NSMCE1: variants seen among roughly 807,000 people sequenced by gnomAD.
The protein encoded by NSMCE1 is non-structural maintenance of chromosomes element 1 homolog.
NSMCE1 carries 18 observed loss-of-function variants against 29.6 expected under a neutral mutation model. That is an observed-to-expected ratio of 0.61 (90% confidence interval 0.42 to 0.90). The LOEUF (loss-of-function observed/expected upper bound fraction) is 0.90, where lower values mean the gene tolerates loss of function less well. NSMCE1 is among the 40% of genes least tolerant of loss of function. The pLI is 0.00. For missense variants in NSMCE1, 314 were observed against 343.6 expected (o/e 0.91, Z 0.68); for synonymous variants, 124 against 133.4 (o/e 0.93, Z 0.49).
chr16:27,249,014 G>A (rs1038224705), intron 2 of NSMCE1, among the ~76,000 whole-genome samples: 1 of 151,970 alleles, frequency 6.6e-6, no homozygotes, highest in Non-Finnish European at 1.5e-5. Context: ...TTTTTTTGTA[G>A]AGACGGAGTT....
chr16:27,239,405 G>C (rs546110680), intron 2 of NSMCE1, among the ~76,000 whole-genome samples: 1 of 152,212 alleles, frequency 6.6e-6, no homozygotes, highest in Non-Finnish European at 1.5e-5. Flanking sequence ...GCATGTCTGA[G>C]GATCCTTTTG....
In NSMCE1 at chr16:27,234,256, C is replaced by T. The variant is rs1462953143; in HGVS notation, c.268G>A (p.Ala90Thr). The T allele has an allele frequency of 1.2e-6, 2 of 1,610,900 alleles. No homozygotes were observed. Among genetic ancestry groups the T allele is most frequent in the African/African-American group, 2.7e-5 (2 of 74,862 alleles). ...GCCATTTTGGAAATTGAAGTTGTAG[C>T]AAGATTCACCTAAGAAATAAGTCAG... ...GRPIYALVNL[A>T]TTSISKMATD... Residue 90 changes from alanine to threonine, a missense_variant, in exon 4 of 8, where the codon GCT becomes ACT. Physicochemically the swap from Ala to Thr is moderately conservative, Grantham distance 58 (BLOSUM62 0). Coordinates refer to ENST00000361439, the MANE Select transcript of NSMCE1 (RefSeq NM_145080.4).
At position 27,232,993 on chromosome 16, in the gene NSMCE1, G is replaced by C. The variant is rs764852354; in HGVS notation, c.483+8C>G. 3.8e-5 allele frequency: 62 copies of C among 1,612,788 alleles called. No homozygotes were observed. Among genetic ancestry groups the C allele is most frequent in the Non-Finnish European group, 5.0e-5 (59 of 1,179,634 alleles). On this transcript the variant is annotated splice_region_variant and intron_variant, in intron 5 of 7. Coordinates refer to ENST00000361439, the MANE Select transcript of NSMCE1 (RefSeq NM_145080.4). This position sits in a 1 kb window ranked among gnomAD's most constrained non-coding sequence, Gnocchi z 4.5. ...GTGAACCAGGCTGGAAAAACCATGA[G>C]ACAGTACCTCAATCAGCCACTTGTT...
rs2083673182 is a variant in NSMCE1 at position 27,225,120 on chromosome 16, C to G, written c.*37G>C. ...CCAAGAAGGGCTGTGGCGATCAGGCCACTCAAGGCAGCCAGCCCCTCAGCA... is the reference window on the plus strand; with the variant it reads ...CCAAGAAGGGCTGTGGCGATCAGGCGACTCAAGGCAGCCAGCCCCTCAGCA... On this transcript the variant is annotated 3_prime_UTR_variant, in exon 8 of 8. Coordinates refer to ENST00000361439, the MANE Select transcript of NSMCE1 (RefSeq NM_145080.4). 1 of 1,279,792 alleles carries G rather than the reference C, an allele frequency of 7.8e-7. No homozygotes were observed. Among genetic ancestry groups the G allele is most frequent in the Non-Finnish European group, 1.1e-6 (1 of 889,490 alleles). The allele number at this position is 1,279,792 out of a possible 1,614,324, so 79.3% of individuals were successfully genotyped here.
rs532807889 is a variant in NSMCE1 at position 27,265,734 on chromosome 16, C to T, written c.-12+2972G>A. Reference sequence around the variant, plus strand: ...CAAAGTAGAGCTCCTCACATCAACACGCATACTTCTCAGAAAGATAATGTT... The same window carrying T: ...CAAAGTAGAGCTCCTCACATCAACATGCATACTTCTCAGAAAGATAATGTT... On this transcript the variant is annotated intron_variant, in intron 1 of 7. Transcript: ENST00000361439. Among the ~76,000 whole-genome samples the T allele has an allele frequency of 3.7e-4, 56 of 152,162 alleles. 1 individual carries two copies. Among genetic ancestry groups the T allele is most frequent in the Non-Finnish European group, 4.1e-4 (28 of 68,032 alleles).
At chr16:27,233,465 G>C (rs954966641) in intron 4 of NSMCE1, among the ~76,000 whole-genome samples, 6 of 152,216 alleles carry the variant, frequency 3.9e-5, no homozygotes, top group African/African-American at 1.4e-4. Context: ...GGAACCGCTG[G>C]GGAAGACAGG....
In NSMCE1 at chr16:27,235,457, GCTT is replaced by G. The variant is rs544599154; in HGVS notation, c.137-161_137-159del. On this transcript the variant is annotated intron_variant, in intron 2 of 7. Coordinates refer to ENST00000361439, the MANE Select transcript of NSMCE1 (RefSeq NM_145080.4). Reference sequence around the variant, plus strand: ...CTTGGGTGAACGCCAATGCCACGTGGCTTCTTTCTTCCTGGAGTACTTGGAAGA... The same window carrying G: ...CTTGGGTGAACGCCAATGCCACGTGGCTTTCTTCCTGGAGTACTTGGAAGA... Among the ~76,000 whole-genome samples, 422 of 152,348 alleles carry G rather than the reference GCTT, an allele frequency of 2.8e-3. 2 individuals are homozygous for G. Among genetic ancestry groups the G allele is most frequent in the Middle Eastern group, 6.8e-3 (2 of 294 alleles).
intron 1 of NSMCE1, among the ~76,000 whole-genome samples, chr16:27,264,121 T>C (rs2084193114): frequency 6.6e-6 from 1 of 152,156 alleles, no homozygotes; most frequent in Non-Finnish European, 1.5e-5. Flanking sequence ...CCCAGCACTT[T>C]GGGAGGCTGA....
At chr16:27,225,878 TG>T in intron 6 of NSMCE1, 32 bp from the exon 7 acceptor site, 1 of 1,612,180 alleles carries the variant, frequency 6.2e-7, no homozygotes, top group Non-Finnish European at 8.5e-7. Context: ...ACGGCGGAGC[TG>T]GTGCACACCT....
At chr16:27,244,574 G>A (rs1228919311) in intron 2 of NSMCE1, among the ~76,000 whole-genome samples, 1 of 151,816 alleles carries the variant, frequency 6.6e-6, no homozygotes. Flanking sequence ...CACTCATGCT[G>A]CCTTCCCTTT....
intron 6 of NSMCE1, 107 bp from the exon 7 acceptor site, chr16:27,225,953 C>T: frequency 7.6e-7 from 1 of 1,310,542 alleles, no homozygotes; most frequent in South Asian, 1.3e-5. Flanking sequence ...ATCGTGTTAT[C>T]TTCTGGGCCC....
intron 1 of NSMCE1, chr16:27,268,283 G>C (rs933113745): frequency 3.9e-5 from 6 of 152,186 alleles, no homozygotes; most frequent in African/African-American, 1.4e-4. Flanking sequence ...GGAGCACGGA[G>C]GGCGGCGGGA....
Position 27,236,929 on chromosome 16 carries a change from G to A in NSMCE1, c.137-1630C>T, listed in dbSNP as rs566991377. Among the ~76,000 whole-genome samples the A allele has an allele frequency of 2.8e-4, 42 of 151,642 alleles. 1 individual carries two copies. The South Asian group carries it at 8.5e-3, about 31-fold the overall frequency. ...AGACAGAGGCATTTCTAAGCTACCC[G>A]TACAACTCAAGATTCATAAAGTTAA... On this transcript the variant is annotated intron_variant, in intron 2 of 7. Transcript: ENST00000361439.
Position 27,253,457 on chromosome 16 carries a change from G to A in NSMCE1, c.136+3978C>T, listed in dbSNP as rs557284756. 7.2e-5 allele frequency among the ~76,000 whole-genome samples: 11 copies of A among 152,272 alleles called. No homozygotes were observed. In the South Asian group the frequency reaches 2.1e-3, roughly 29 times the overall value. The stretch of plus-strand genomic sequence containing the variant: ...AAGAAACCCTCATTGCCCATCTCTC[G>A]AAAGATCACTGGCCTTGACTGACGA... On this transcript the variant is annotated intron_variant, in intron 2 of 7. Coordinates refer to ENST00000361439, the MANE Select transcript of NSMCE1 (RefSeq NM_145080.4).
intron 2 of NSMCE1, among the ~76,000 whole-genome samples, chr16:27,251,553 T>C (rs1375262732): frequency 6.6e-6 from 1 of 152,178 alleles, no homozygotes; most frequent in Non-Finnish European, 1.5e-5. Flanking sequence ...TCTACGCTCA[T>C]GAGGAGTCTT....
At chr16:27,225,442 C>T (rs1045323540) in intron 7 of NSMCE1, among the ~76,000 whole-genome samples, 7 of 152,256 alleles carry the variant, frequency 4.6e-5, no homozygotes, top group African/African-American at 1.7e-4. Context: ...GTGGACATAG[C>T]TTTCACGTCC....
rs562102702 is a variant in NSMCE1 at position 27,249,027 on chromosome 16, G to T, written c.136+8408C>A. Among the ~76,000 whole-genome samples, 11 of 151,958 alleles carry T rather than the reference G, an allele frequency of 7.2e-5. No individual in the cohort carries two copies. In the South Asian group the frequency reaches 2.3e-3, roughly 32 times the overall value. On this transcript the variant is annotated intron_variant, in intron 2 of 7. Coordinates refer to ENST00000361439, the MANE Select transcript of NSMCE1 (RefSeq NM_145080.4). Reference sequence around the variant, plus strand: ...TATTTTTTTGTAGAGACGGAGTTTTGTCATGTTGCCCAGGCTGGCCTCAAA... The same window carrying T: ...TATTTTTTTGTAGAGACGGAGTTTTTTCATGTTGCCCAGGCTGGCCTCAAA...
At chr16:27,241,442 G>T in intron 2 of NSMCE1, 1 of 161,346 alleles carries the variant, frequency 6.2e-6, no homozygotes, top group Non-Finnish European at 1.4e-5. Context: ...TGGATGAGAC[G>T]GGGGTGCAGG....
chr16:27,241,533 TG>T, intron 2 of NSMCE1: 1 of 193,106 alleles, frequency 5.2e-6, no homozygotes, highest in South Asian at 8.2e-5. Flanking sequence ...TGGGGAGGTT[TG>T]TGAGGGGCCA....
Sources: allele counts gnomAD v4.1 joint callset (sites outside exome capture counted in the v4.1 genomes callset), GRCh38; gene constraint gnomAD v4.1.1; non-coding constraint Gnocchi (gnomAD v3.1); transcripts MANE v1.5; gene names NCBI Gene and HGNC (gene_info 2026-07-23, HGNC 2026-07-21).